AGAP1: variants seen among roughly 807,000 people sequenced by gnomAD.
The protein encoded by AGAP1 is arf-GAP with GTPase, ANK repeat and PH domain-containing protein 1.
AGAP1 carries 29 observed loss-of-function variants against 105.3 expected under a neutral mutation model. The observed-to-expected ratio is 0.28, with a 90% CI of 0.21 to 0.38. The LOEUF is 0.38. AGAP1 is among the 10% of genes least tolerant of loss of function. The pLI is 1.00. For missense variants in AGAP1, 998 were observed against 1,165.1 expected, an observed-to-expected ratio of 0.86 and a Z score of 2.09; for synonymous variants, 509 against 485.9, an observed-to-expected ratio of 1.05 and a Z score of -0.63.
rs148991143 is a variant in AGAP1 at position 236,083,306 on chromosome 2, G to T, written c.2114+34025G>T. 1.3e-5 allele frequency among the ~76,000 whole-genome samples: 2 copies of T among 152,282 alleles called. No homozygotes were observed. The highest frequency in any genetic ancestry group is 1.9e-4 in the East Asian group (1 of 5,180). On this transcript the variant is annotated intron_variant, in intron 16 of 17. Transcript: ENST00000304032. This position sits in a 1 kb window ranked among gnomAD's most constrained non-coding sequence, Gnocchi z 5.3. ...AATGCAGATGTCATGTGATGAGCTC[G>T]GTTTGTTGCAAGGAAGCGTCGTCCT...
Position 235,535,603 on chromosome 2 carries a change from G to T in AGAP1, c.163+40754G>T, listed in dbSNP as rs1297780936. 6.6e-6 allele frequency among the ~76,000 whole-genome samples: 1 copy of T among 151,820 alleles called. No individual in the cohort carries two copies. Among genetic ancestry groups the T allele is most frequent in the African/African-American group, 2.4e-5 (1 of 41,346 alleles). On this transcript the variant is annotated intron_variant, in intron 1 of 17. Transcript: ENST00000304032. The surrounding 1 kb of genome is among the most constrained non-coding windows in gnomAD (Gnocchi z 5.1). ...TGGCGGGGCCAAAGGTTTCCTCAAAGACCCTGGGGGCCGGGCGGGGCTGTG... is the reference window on the plus strand; with the variant it reads ...TGGCGGGGCCAAAGGTTTCCTCAAATACCCTGGGGGCCGGGCGGGGCTGTG...
chr2:235,644,600 T>C (rs766163437), intron 1 of AGAP1, among the ~76,000 whole-genome samples: 2 of 152,142 alleles, frequency 1.3e-5, no homozygotes, highest in African/African-American at 4.8e-5. Flanking sequence ...AACATCCCTG[T>C]TGGGCTAGCA....
At chr2:235,776,695 C>T (rs1231225864) in intron 6 of AGAP1, among the ~76,000 whole-genome samples, 23 of 152,196 alleles carry the variant, frequency 1.5e-4, no homozygotes, top group Admixed American at 1.4e-3. Flanking sequence ...GTTGCAGGTG[C>T]TATGCCCTGC....
chr2:236,089,019 A>G lies in AGAP1; in HGVS notation c.2115-31173A>G, dbSNP rs1264650955. The stretch of plus-strand genomic sequence containing the variant: ...GAACTGGTTTGTATAATATGTTTCA[A>G]AGTACAGAAGGTAGAAGGTACATCA... On this transcript the variant is annotated intron_variant, in intron 16 of 17. Transcript: ENST00000304032. This position sits in a 1 kb window ranked among gnomAD's most constrained non-coding sequence, Gnocchi z 5.6. 1.3e-5 allele frequency among the ~76,000 whole-genome samples: 2 copies of G among 152,226 alleles called. No homozygotes were observed. Among genetic ancestry groups the G allele is most frequent in the Non-Finnish European group, 2.9e-5 (2 of 68,042 alleles).
chr2:235,804,493 C>G (rs991469524), intron 8 of AGAP1, among the ~76,000 whole-genome samples: 1 of 152,106 alleles, frequency 6.6e-6, no homozygotes, highest in African/African-American at 2.4e-5. Context: ...GGGTACCTCC[C>G]CTAGTGTGTT....
chr2:235,932,906 G>T (rs142304420), intron 12 of AGAP1, among the ~76,000 whole-genome samples: 1 of 152,220 alleles, frequency 6.6e-6, no homozygotes, highest in Admixed American at 6.5e-5. Context: ...ACCCATGTGA[G>T]ACTAAAGTCG....
In AGAP1 at chr2:235,740,830, C is replaced by CA; in HGVS notation, c.311-131dup. ...TCTGTTAAAATTCAGCATTTGCTGG[C>CA]AACATCCTAAATACTCAGTTGCCTC... On this transcript the variant is annotated intron_variant, in intron 3 of 17. Coordinates refer to ENST00000304032, the MANE Select transcript of AGAP1 (RefSeq NM_001037131.3). The surrounding 1 kb of genome is among the most constrained non-coding windows in gnomAD (Gnocchi z 5.7). The CA allele has an allele frequency of 2.1e-6, 2 of 963,254 alleles. No individual in the cohort carries two copies. Among genetic ancestry groups the CA allele is most frequent in the Non-Finnish European group, 3.1e-6 (2 of 649,644 alleles). The allele number at this position is 963,254 out of a possible 1,614,324, so 59.7% of individuals were successfully genotyped here.
At position 236,105,977 on chromosome 2, in the gene AGAP1, C is replaced by G. The variant is rs571121943; in HGVS notation, c.2115-14215C>G. 6.6e-6 allele frequency among the ~76,000 whole-genome samples: 1 copy of G among 152,290 alleles called. No homozygotes were observed. The highest frequency in any genetic ancestry group is 2.4e-5 in the African/African-American group (1 of 41,582). On this transcript the variant is annotated intron_variant, in intron 16 of 17. Coordinates refer to ENST00000304032, the MANE Select transcript of AGAP1 (RefSeq NM_001037131.3). This position sits in a 1 kb window ranked among gnomAD's most constrained non-coding sequence, Gnocchi z 4.2. ...CTGACCTAATCACCTCCCAGAGGTCCTGTCACCAAACACCATCACACAGGG... is the reference window on the plus strand; with the variant it reads ...CTGACCTAATCACCTCCCAGAGGTCGTGTCACCAAACACCATCACACAGGG...
At chr2:236,030,499 G>C (rs946585145) in intron 13 of AGAP1, among the ~76,000 whole-genome samples, 2 of 152,226 alleles carry the variant, frequency 1.3e-5, no homozygotes, top group Non-Finnish European at 2.9e-5. Context: ...AGGATTGCCA[G>C]GTGCTGGACC....
chr2:235,661,407 G>A (rs1003428298), intron 1 of AGAP1, among the ~76,000 whole-genome samples: 17 of 152,122 alleles, frequency 1.1e-4, no homozygotes, highest in African/African-American at 3.9e-4. Context: ...GTTGGGTGTG[G>A]GCGGGAGGCA....
At chr2:235,641,313 T>TTCTC (rs1553594438) in intron 1 of AGAP1, among the ~76,000 whole-genome samples, 17 of 148,560 alleles carry the variant, frequency 1.1e-4, no homozygotes, top group African/African-American at 2.5e-4. Context: ...CTCTCTCTCT[T>TTCTC]TCTCTTTCTC....
chr2:235,876,595 C>G (rs2106589376), intron 9 of AGAP1, among the ~76,000 whole-genome samples: 1 of 152,314 alleles, frequency 6.6e-6, no homozygotes, highest in Non-Finnish European at 1.5e-5. Context: ...GTCTTCTTTT[C>G]CCTCCTGGTC....
intron 1 of AGAP1, 48 bp downstream of exon 1, chr2:235,494,897 G>T: frequency 6.6e-7 from 1 of 1,513,860 alleles, no homozygotes; most frequent in Non-Finnish European, 8.9e-7. Flanking sequence ...GGACGCCCGC[G>T]GCGCGGCGGG....
At chr2:235,759,445 A>G (rs1406338608) in intron 6 of AGAP1, among the ~76,000 whole-genome samples, 1 of 152,204 alleles carries the variant, frequency 6.6e-6, no homozygotes, top group Non-Finnish European at 1.5e-5. Context: ...CTGGGATTAC[A>G]GGCGTGAGCC....
rs1250066704 is a variant in AGAP1, at chr2:236,125,878, TG to T, written c.*1762del. On this transcript the variant is annotated 3_prime_UTR_variant, in exon 18 of 18. Coordinates refer to ENST00000304032, the MANE Select transcript of AGAP1 (RefSeq NM_001037131.3). This position sits in a 1 kb window ranked among gnomAD's most constrained non-coding sequence, Gnocchi z 5.2. Reference sequence around the variant, plus strand: ...TGCCTAGAGCTCATTGACAGTGTGATGGGGGGAGAAGGGTTGTCACAATGGA... The same window carrying T: ...TGCCTAGAGCTCATTGACAGTGTGATGGGGGAGAAGGGTTGTCACAATGGA... 6.6e-6 allele frequency: 1 copy of T among 152,060 alleles called. No individual in the cohort carries two copies. The highest frequency in any genetic ancestry group is 1.5e-5 in the Non-Finnish European group (1 of 68,032). 9.4% of individuals were successfully genotyped at this position (152,060 alleles called of 1,614,324 possible).
At chr2:235,781,807 G>C (rs1468856022) in intron 6 of AGAP1, among the ~76,000 whole-genome samples, 1 of 152,100 alleles carries the variant, frequency 6.6e-6, no homozygotes, top group Non-Finnish European at 1.5e-5. Context: ...TTGGGGGGAG[G>C]AGGGACTTTT....
chr2:235,509,753 A>G (rs546542941), intron 1 of AGAP1, among the ~76,000 whole-genome samples: 1 of 152,236 alleles, frequency 6.6e-6, no homozygotes, highest in South Asian at 2.1e-4. Flanking sequence ...TAAAATAGAA[A>G]TAAGATCATG....
At chr2:235,606,292 ACAG>A (rs1945935351) in intron 1 of AGAP1, among the ~76,000 whole-genome samples, 2 of 152,204 alleles carry the variant, frequency 1.3e-5, no homozygotes, top group Admixed American at 1.3e-4. Flanking sequence ...GTTCTCCACA[ACAG>A]CAGACCGCTG....
chr2:236,083,063 G>C lies in AGAP1; in HGVS notation c.2114+33782G>C, dbSNP rs1157220604. 6.6e-6 allele frequency among the ~76,000 whole-genome samples: 1 copy of C among 152,092 alleles called. No homozygotes were observed. Among genetic ancestry groups the C allele is most frequent in the African/African-American group, 2.4e-5 (1 of 41,424 alleles). ...CCAGCTACTTAGGAGGCTGAGGCAG[G>C]AGAATCACTTGAACCTGGGAGGCAT... is the stretch of plus-strand genomic sequence containing the variant. On this transcript the variant is annotated intron_variant, in intron 16 of 17. Transcript: ENST00000304032. This position sits in a 1 kb window ranked among gnomAD's most constrained non-coding sequence, Gnocchi z 5.3.
Sources: allele counts gnomAD v4.1 joint callset (sites outside exome capture counted in the v4.1 genomes callset), GRCh38; gene constraint gnomAD v4.1.1; non-coding constraint Gnocchi (gnomAD v3.1); transcripts MANE v1.5; gene names NCBI Gene and HGNC (gene_info 2026-07-23, HGNC 2026-07-21).